Variants in MUC3A observed in about 807,000 individuals in gnomAD.
MUC3A encodes mucin 3A, cell surface associated.
A neutral mutation model predicts 109.0 loss-of-function variants in MUC3A; 109 were observed. That is an observed-to-expected ratio of 1.00 (90% CI 0.86 to 1.17). MUC3A has a LOEUF of 1.17. Among genes scored for constraint, MUC3A ranks in the 50% most tolerant of loss-of-function variants. The pLI, the probability that MUC3A is intolerant of heterozygous loss-of-function variation, is 0.00. For missense variants in MUC3A, 3,537 were observed against 2,469.4 expected (o/e 1.43, Z -9.16); for synonymous variants, 1,398 against 981.4 (o/e 1.42, Z -7.93).
intron 4 of MUC3A, 23 bp from the exon 5 acceptor site, chr7:100,963,665 C>T: frequency 6.3e-7 from 1 of 1,598,414 alleles, no homozygotes; most frequent in Non-Finnish European, 8.5e-7. Flanking sequence ...CGGACGTGAG[C>T]CCAGGGATCC....
At chr7:100,966,015 C>T (rs1209059098) in intron 8 of MUC3A, 149 bp downstream of exon 8, 4 of 1,238,314 alleles carry the variant, frequency 3.2e-6, no homozygotes, top group Admixed American at 3.4e-5. Context: ...TCCCCGTTGC[C>T]CTACAGTGGA....
chr7:100,968,198 T>C lies in MUC3A; in HGVS notation c.*1036T>C, dbSNP rs879896974. 126,744 of 152,794 alleles carry C rather than the reference T, an allele frequency of 0.83. 50,349 individuals carry two copies. Among genetic ancestry groups the C allele is most frequent in the East Asian group, 1 (5,205 of 5,212 alleles). 9.5% of individuals were successfully genotyped at this position (152,794 alleles called of 1,614,324 possible). A position where few individuals can be genotyped will look rare whatever the true frequency, so the allele number is the denominator to read the frequency against. The stretch of plus-strand genomic sequence containing the variant: ...TCCCCTCCGATTCCCCTCCTCCCCC[T>C]TCTCTTCCTGGTGTCACCTGGATTC... On this transcript the variant is annotated 3_prime_UTR_variant, in exon 12 of 12. Transcript: ENST00000379458.
In MUC3A at chr7:100,959,228, C is replaced by T. The variant is rs370107371; in HGVS notation, c.7449C>T (p.Asp2483=). ...TAACCCCATCTTCTCTGAGTACAGA[C>T]ATCCCGACCACAAGCCTACGAACTC... ...TPVTPSSLST[D]IPTTSLRTLT... is the part of the protein sequence containing the mutation. Residue 2483 remains aspartate, a synonymous_variant, in exon 2 of 12, where the codon GAC becomes GAT. Coordinates refer to ENST00000379458, the MANE Select transcript of MUC3A (RefSeq NM_005960.2). 7 of 1,598,222 alleles carry T rather than the reference C, an allele frequency of 4.4e-6. No individual in the cohort carries two copies. Among genetic ancestry groups the T allele is most frequent in the Non-Finnish European group, 4.2e-6 (5 of 1,179,684 alleles).
rs755335942 is a variant in MUC3A at position 100,966,752 on chromosome 7, T to C, written c.9877+9T>C. 2.7e-5 allele frequency: 43 copies of C among 1,598,536 alleles called. No individual in the cohort carries two copies. Among genetic ancestry groups the C allele is most frequent in the Non-Finnish European group, 3.4e-5 (40 of 1,179,816 alleles). ...CGAGGACGACGGAACAGGTGAGTCC[T>C]GCCTCCTGGGGAAGCAGGCAGAGGC... On this transcript the variant is annotated intron_variant, in intron 10 of 11. Coordinates refer to ENST00000379458, the MANE Select transcript of MUC3A (RefSeq NM_005960.2).
Position 100,954,045 on chromosome 7 carries a change from A to G in MUC3A, c.2266A>G (p.Lys756Glu), listed in dbSNP as rs1584800617. Residue 756 changes from lysine (K) to glutamate (E), a missense_variant, in exon 2 of 12, where the codon AAA becomes GAA. By Grantham distance (56) the Lys-to-Glu change is moderately conservative. Coordinates refer to ENST00000379458, the MANE Select transcript of MUC3A (RefSeq NM_005960.2). ...SPLVSTAKTA[K>E]TPTTNLVTTT... The stretch of plus-strand genomic sequence containing the variant: ...CTTGGTCTCAACTGCAAAAACAGCC[A>G]AAACTCCTACCACAAACTTGGTAAC... 10 of 497,776 alleles carry G rather than the reference A, an allele frequency of 2.0e-5. No individual in the cohort carries two copies. In the East Asian group the frequency reaches 3.1e-4, roughly 15 times the overall value. 30.8% of individuals were successfully genotyped at this position (497,776 alleles called of 1,614,324 possible).
chr7:100,955,739 C>T lies in MUC3A; in HGVS notation c.3960C>T (p.Ser1320=), dbSNP rs1174781219. The part of the protein sequence containing the change: ...STNTIHTTAE[S]ALAPTTTTSF... ...ATACAATCCACACAACAGCTGAATC[C>T]GCCCTGGCACCCACTACCACCACCT... Residue 1320 remains serine (S), a synonymous_variant, in exon 2 of 12, where the codon TCC becomes TCT. Transcript: ENST00000379458. The T allele has an allele frequency of 1.7e-5, 7 of 414,814 alleles. No homozygotes were observed. The highest frequency in any genetic ancestry group is 1.0e-4 in the South Asian group (1 of 9,894). The allele number at this position is 414,814 out of a possible 1,614,324, so 25.7% of individuals were successfully genotyped here.
chr7:100,963,989 G>A, intron 5 of MUC3A: 1 of 645,860 alleles, frequency 1.5e-6, no homozygotes, highest in Non-Finnish European at 2.7e-6. Context: ...AGGGACATGT[G>A]GGAAGGTGGT....
Position 100,959,372 on chromosome 7 carries a change from C to A in MUC3A, c.7593C>A (p.Ser2531=). 1 of 1,539,596 alleles carries A rather than the reference C, an allele frequency of 6.5e-7. No individual in the cohort carries two copies. The highest frequency in any genetic ancestry group is 8.7e-7 in the Non-Finnish European group (1 of 1,152,042). Residue 2531 remains serine, a synonymous_variant, in exon 2 of 12, where the codon TCC becomes TCA. Coordinates refer to ENST00000379458, the MANE Select transcript of MUC3A (RefSeq NM_005960.2). The part of the protein sequence containing the change: ...TRTHIISSSP[S]IQSTETSSLV... ...CACACATCATTTCATCTTCTCCCTC[C>A]ATCCAAAGTACAGAAACCTCATCCC... is the stretch of plus-strand genomic sequence containing the variant.
rs747224681 is a variant in MUC3A at position 100,960,418 on chromosome 7, C to T, written c.8639C>T (p.Pro2880Leu). ...TGGCTGAGCAACAGTTCTGTGATCCCCCTACCTCTTCCTGGCGTCTCTACC... is the reference window on the plus strand; with the variant it reads ...TGGCTGAGCAACAGTTCTGTGATCCTCCTACCTCTTCCTGGCGTCTCTACC... ...ETWLSNSSVI[P>L]LPLPGVSTIP... is the part of the protein sequence containing the mutation. Residue 2880 changes from proline to leucine, a missense_variant, in exon 2 of 12, where the codon CCC (proline) becomes CTC (leucine). Pro to Leu is a moderately conservative substitution (Grantham distance 98). Coordinates refer to ENST00000379458, the MANE Select transcript of MUC3A (RefSeq NM_005960.2). 2 of 1,598,426 alleles carry T rather than the reference C, an allele frequency of 1.3e-6. No homozygotes were observed. The highest frequency in any genetic ancestry group is 1.7e-6 in the Non-Finnish European group (2 of 1,179,824).
Position 100,966,951 on chromosome 7 carries a change from G to A in MUC3A, c.9930G>A (p.Lys3310=). ...TGGAGAACGTGGACACCACTATGAA[G>A]GTGAGGGGCTAAAGAGGGGGACCCC... ...VALENVDTTM[K]VHIKRPEMTS... Residue 3310 remains lysine (K), a splice_region_variant and synonymous_variant, in exon 11 of 12, where the codon AAG becomes AAA. Transcript: ENST00000379458. The A allele has an allele frequency of 6.3e-7, 1 of 1,598,546 alleles. No homozygotes were observed. The highest frequency in any genetic ancestry group is 8.5e-7 in the Non-Finnish European group (1 of 1,179,822).
At chr7:100,965,047 C>T (rs1423131145) in intron 6 of MUC3A, 31 of 1,093,120 alleles carry the variant, frequency 2.8e-5, no homozygotes, top group Non-Finnish European at 3.7e-5. Context: ...AAAGAGACCC[C>T]CTGATTGTCA....
In MUC3A at chr7:100,960,477, C is replaced by T. The variant is rs1025195484; in HGVS notation, c.8698C>T (p.Pro2900Ser). Residue 2900 changes from proline (P) to serine (S), a missense_variant, in exon 2 of 12, where the codon CCG (proline) becomes TCG (serine). Pro to Ser is a moderately conservative substitution (Grantham distance 74). Coordinates refer to ENST00000379458, the MANE Select transcript of MUC3A (RefSeq NM_005960.2). The stretch of plus-strand genomic sequence containing the variant: ...CACCATGAAACCAAGCAGTAGCCTC[C>T]CGACCATCCTGAGGACTTCAAGCAA... ...PLTMKPSSSL[P>S]TILRTSSKST... The T allele has an allele frequency of 1.9e-6, 3 of 1,598,536 alleles. No homozygotes were observed. The highest frequency in any genetic ancestry group is 2.5e-6 in the Non-Finnish European group (3 of 1,179,838).
chr7:100,965,435 G>A (rs1362882973), intron 7 of MUC3A, 88 bp downstream of exon 7: 2 of 1,544,294 alleles, frequency 1.3e-6, no homozygotes, highest in African/African-American at 2.7e-5. Context: ...TGTGGGCAGG[G>A]AGAGACCTTT....
intron 5 of MUC3A, 172 bp downstream of exon 5, chr7:100,963,924 T>C (rs572052006): frequency 1.3e-5 from 12 of 904,870 alleles, no homozygotes; most frequent in Non-Finnish European, 2.0e-5. Flanking sequence ...GGGCCATTTA[T>C]CTGGAGGAGG....
At chr7:100,962,676 T>C (rs1409261934) in intron 3 of MUC3A, among the ~76,000 whole-genome samples, 1 of 74,192 alleles carries the variant, frequency 1.3e-5, no homozygotes, top group African/African-American at 6.0e-5. Flanking sequence ...TTTTCTTTTT[T>C]TCTTTCTCTT....
In MUC3A at chr7:100,959,323, A is replaced by T. The variant is rs780660449; in HGVS notation, c.7544A>T (p.Asp2515Val). Residue 2515 changes from aspartate (D) to valine (V), a missense_variant, in exon 2 of 12, where the codon GAT becomes GTT. By Grantham distance (152) the Asp-to-Val change is radical. Transcript: ENST00000379458. ...TTTDFPSIPT[D>V]ISTLPTRTHI... The stretch of plus-strand genomic sequence containing the variant: ...ACAGACTTTCCCTCTATACCCACTG[A>T]TATCAGTACCTTACCAACTCGAACA... 9.6e-6 allele frequency: 15 copies of T among 1,564,484 alleles called. No individual in the cohort carries two copies. Among genetic ancestry groups the T allele is most frequent in the Non-Finnish European group, 1.3e-5 (15 of 1,162,704 alleles).
chr7:100,961,035 CT>C, intron 3 of MUC3A, 98 bp downstream of exon 3: 2 of 1,577,432 alleles, frequency 1.3e-6, no homozygotes, highest in Admixed American at 1.8e-5. Flanking sequence ...GCACCCATGC[CT>C]TTTTGCCCGG....
Position 100,959,802 on chromosome 7 carries a change from ACTT to A in MUC3A, c.8027_8029del (p.Ser2676del). The A allele has an allele frequency of 6.3e-7, 1 of 1,592,678 alleles. No homozygotes were observed. Among genetic ancestry groups the A allele is most frequent in the South Asian group, 1.1e-5 (1 of 89,616 alleles). Reference sequence around the variant, plus strand: ...AAGTACGTCTACAAATGCAATCTTGACTTCTTTTAGTACCATCATCTGGTCCTC... The same window carrying A: ...AAGTACGTCTACAAATGCAATCTTGACTTTTAGTACCATCATCTGGTCCTC... On this transcript the variant is annotated inframe_deletion, in exon 2 of 12. Transcript: ENST00000379458.
At position 100,965,861 on chromosome 7, in the gene MUC3A, G is replaced by C. The variant is rs587629372; in HGVS notation, c.9606G>C (p.Thr3202=). 1.9e-6 allele frequency: 3 copies of C among 1,591,894 alleles called. No individual in the cohort carries two copies. The highest frequency in any genetic ancestry group is 2.2e-5 in the East Asian group (1 of 44,736). Residue 3202 remains threonine (T), a synonymous_variant, in exon 8 of 12, where the codon ACG becomes ACC. Coordinates refer to ENST00000379458, the MANE Select transcript of MUC3A (RefSeq NM_005960.2). ...GCGTTCTGGAGACGAGCGGTCCCAC[G>C]TGTCGGTAAGGCCCCGCTCACCATC... is the stretch of plus-strand genomic sequence containing the variant. The part of the protein sequence containing the change: ...GQCVLETSGP[T]CRCYSTDTHW...
Sources: allele counts gnomAD v4.1 joint callset (sites outside exome capture counted in the v4.1 genomes callset), GRCh38; gene constraint gnomAD v4.1.1; transcripts MANE v1.5; gene names NCBI Gene and HGNC (gene_info 2026-07-23, HGNC 2026-07-21).